Variants in NR3C2 observed in about 807,000 individuals in gnomAD.
The protein encoded by NR3C2 is nuclear receptor subfamily 3 group C member 2, also known as mineralocorticoid receptor.
In NR3C2, 15 loss-of-function variants were observed where a neutral mutation model predicts 86.4. The ratio of observed to expected loss-of-function variants is 0.17; its 90% CI spans 0.12 to 0.27. The LOEUF (loss-of-function observed/expected upper bound fraction) is 0.27, where lower values mean the gene tolerates loss of function less well. Ranked by LOEUF, NR3C2 falls within the 10% of genes least tolerant of loss-of-function variation. The pLI is 1.00. For missense variants in NR3C2, 960 were observed against 1,195.6 expected, an observed-to-expected ratio of 0.80 and a Z score of 2.91; for synonymous variants, 458 against 450.5, an observed-to-expected ratio of 1.02 and a Z score of -0.21.
intron 2 of NR3C2, among the ~76,000 whole-genome samples, chr4:148,385,708 A>G (rs1244080598): frequency 6.6e-6 from 1 of 152,148 alleles, no homozygotes; most frequent in Non-Finnish European, 1.5e-5. Flanking sequence ...GAATCTCCAC[A>G]GAGGTCCTCC....
chr4:148,340,812 A>G (rs1435333332), intron 2 of NR3C2, among the ~76,000 whole-genome samples: 1 of 152,156 alleles, frequency 6.6e-6, no homozygotes, highest in African/African-American at 2.4e-5. Context: ...AATGGACAAA[A>G]CATTTGAACA....
At chr4:148,326,397 T>A (rs1006548752) in intron 2 of NR3C2, among the ~76,000 whole-genome samples, 23 of 151,932 alleles carry the variant, frequency 1.5e-4, no homozygotes, top group African/African-American at 5.5e-4. Context: ...CGAGACTCCA[T>A]CTCAAATAAA....
At chr4:148,429,328 A>G (rs933588293) in intron 2 of NR3C2, among the ~76,000 whole-genome samples, 4 of 152,250 alleles carry the variant, frequency 2.6e-5, no homozygotes, top group African/African-American at 9.6e-5. Context: ...CCAATGAAGT[A>G]TTCATCAGAA....
chr4:148,221,893 TAAAAAAA>T (rs11378484), intron 3 of NR3C2, among the ~76,000 whole-genome samples: 24 of 122,700 alleles, frequency 2.0e-4, no homozygotes, highest in African/African-American at 7.1e-4. Context: ...GACTCTGTCT[TAAAAAAA>T]AAAAAAAAAA....
At chr4:148,393,826 A>G (rs1366280592) in intron 2 of NR3C2, among the ~76,000 whole-genome samples, 1 of 152,190 alleles carries the variant, frequency 6.6e-6, no homozygotes, top group Non-Finnish European at 1.5e-5. Context: ...AATACTCTGA[A>G]GGTATGGAAT....
chr4:148,127,947 T>C (rs1397152542), intron 6 of NR3C2, among the ~76,000 whole-genome samples: 1 of 152,224 alleles, frequency 6.6e-6, no homozygotes, highest in African/African-American at 2.4e-5. Context: ...GTTAAAATTA[T>C]CTAACTTCTC....
chr4:148,162,009 T>C (rs1407704928), intron 4 of NR3C2, among the ~76,000 whole-genome samples: 1 of 152,154 alleles, frequency 6.6e-6, no homozygotes, highest in Non-Finnish European at 1.5e-5. Flanking sequence ...GGTTTGCTTT[T>C]GGTGTGAGGC....
intron 3 of NR3C2, among the ~76,000 whole-genome samples, chr4:148,219,391 C>T (rs1737714780): frequency 6.6e-6 from 1 of 152,114 alleles, no homozygotes; most frequent in African/African-American, 2.4e-5. Flanking sequence ...TTAACTTTGC[C>T]TGGAACTCTA....
At chr4:148,334,996 C>T (rs1252313281) in intron 2 of NR3C2, among the ~76,000 whole-genome samples, 1 of 152,152 alleles carries the variant, frequency 6.6e-6, no homozygotes, top group Non-Finnish European at 1.5e-5. Flanking sequence ...TATCTGTGTC[C>T]CAATTTCCCC....
chr4:148,274,898 A>G (rs1740886757), intron 2 of NR3C2, among the ~76,000 whole-genome samples: 1 of 151,914 alleles, frequency 6.6e-6, no homozygotes, highest in African/African-American at 2.4e-5. Context: ...GGGTTTTACC[A>G]TGTTAGCTAG....
intron 2 of NR3C2, among the ~76,000 whole-genome samples, chr4:148,413,082 T>G (rs1748791368): frequency 6.6e-6 from 1 of 152,214 alleles, no homozygotes; most frequent in African/African-American, 2.4e-5. Context: ...TTCATAAATA[T>G]TTGAACCTCA....
rs1261778427 is a variant in NR3C2 at position 148,184,841 on chromosome 4, G to C, written c.2014+9905C>G. Among the ~76,000 whole-genome samples the C allele has an allele frequency of 3.3e-5, 5 of 152,156 alleles. No individual in the cohort carries two copies. The South Asian group carries it at 1.0e-3, about 31-fold the overall frequency. On this transcript the variant is annotated intron_variant, in intron 4 of 8. Transcript: ENST00000358102. Reference sequence around the variant, plus strand: ...CTGCAATGATTCCAATATCAGACAAGGGGACATGGTGGTGCACTAGAGACA... The same window carrying C: ...CTGCAATGATTCCAATATCAGACAACGGGACATGGTGGTGCACTAGAGACA...
chr4:148,157,023 G>A (rs1734425212), intron 4 of NR3C2, among the ~76,000 whole-genome samples: 2 of 151,626 alleles, frequency 1.3e-5, no homozygotes, highest in South Asian at 2.1e-4. Context: ...GATGAAATTG[G>A]AAATCATCAT....
intron 3 of NR3C2, among the ~76,000 whole-genome samples, chr4:148,249,509 T>C (rs540843313): frequency 2.6e-5 from 4 of 152,364 alleles, no homozygotes; most frequent in East Asian, 3.9e-4. Flanking sequence ...ATTTGTATTC[T>C]TTCATCTTTT....
In NR3C2 at chr4:148,311,403, C is replaced by G. The variant is rs570312136; in HGVS notation, c.1758-51286G>C. On this transcript the variant is annotated intron_variant, in intron 2 of 8. Transcript: ENST00000358102. The stretch of plus-strand genomic sequence containing the variant: ...CATCTGGGTTAATGACAACTGCATT[C>G]TTGCAGCTGCTCAAACACAAGCCCC... 1.5e-4 allele frequency among the ~76,000 whole-genome samples: 23 copies of G among 152,290 alleles called. No individual in the cohort carries two copies. The South Asian group carries it at 4.8e-3, about 32-fold the overall frequency.
intron 8 of NR3C2, among the ~76,000 whole-genome samples, chr4:148,106,828 C>T (rs1281329865): frequency 6.6e-6 from 1 of 152,090 alleles, no homozygotes; most frequent in East Asian, 1.9e-4. Context: ...TGAAACTGGA[C>T]CCCTTCCTTA....
chr4:148,284,883 C>T (rs1741436846), intron 2 of NR3C2, among the ~76,000 whole-genome samples: 1 of 152,198 alleles, frequency 6.6e-6, no homozygotes, highest in Non-Finnish European at 1.5e-5. Context: ...ACAAAAAAGT[C>T]TTCTCACTAT....
upstream of NR3C2, chr4:148,445,115 C>A: frequency 1.8e-6 from 1 of 547,132 alleles, no homozygotes; most frequent in Non-Finnish European, 2.3e-6. Flanking sequence ...CGGCCACTGA[C>A]AACCTGGAGG....
intron 4 of NR3C2, among the ~76,000 whole-genome samples, chr4:148,194,430 A>G (rs1736347738): frequency 6.6e-6 from 1 of 152,228 alleles, no homozygotes. Flanking sequence ...ACGTGGCAAT[A>G]AGAACTATTA....
Sources: allele counts gnomAD v4.1 joint callset (sites outside exome capture counted in the v4.1 genomes callset), GRCh38; gene constraint gnomAD v4.1.1; transcripts MANE v1.5; gene names NCBI Gene and HGNC (gene_info 2026-07-23, HGNC 2026-07-21).